TET3: variants seen among roughly 807,000 people sequenced by gnomAD.
TET3 encodes methylcytosine dioxygenase TET3.
A neutral mutation model predicts 141.4 loss-of-function variants in TET3; 19 were observed. The observed-to-expected ratio is 0.13, with a 90% CI of 0.09 to 0.20. TET3 has a LOEUF of 0.20. TET3 is among the 10% of genes least tolerant of loss of function. TET3 has a pLI of 1.00. For synonymous variants in TET3, 1,043 were observed against 980.9 expected (o/e 1.06, Z -1.18); for missense variants, 1,874 against 2,356.9 (o/e 0.80, Z 4.24).
Position 74,101,332 on chromosome 2 carries a change from C to A in TET3, c.4544C>A (p.Pro1515His). 1 of 1,613,814 alleles carries A rather than the reference C, an allele frequency of 6.2e-7. No individual in the cohort carries two copies. ...GGRLRGKPWS[P>H]CKFGNSTSAL... ...CGGCTGCGAGGCAAACCGTGGAGCC[C>A]CTGCAAGTTTGGGAACAGCACCTCG... The change falls in exon 12 of 12, where the codon CCC becomes CAC. Residue 1515 changes from proline to histidine, a missense_variant. Physicochemically the swap from Pro to His is moderately conservative, Grantham distance 77 (BLOSUM62 -2). Transcript: ENST00000409262. This position sits in a 1 kb window ranked among gnomAD's most constrained non-coding sequence, Gnocchi z 8.5.
chr2:74,080,693 CGAGGGCG>C, intron 6 of TET3, 102 bp downstream of exon 6: 1 of 538,478 alleles, frequency 1.9e-6, no homozygotes, highest in Non-Finnish European at 2.7e-6. Flanking sequence ...GCTGAGCAGG[CGAGGGCG>C]GGGGGTGGGG....
intron 3 of TET3, among the ~76,000 whole-genome samples, chr2:74,040,072 G>A (rs1360399305): frequency 2.0e-5 from 3 of 152,214 alleles, no homozygotes; most frequent in Non-Finnish European, 4.4e-5. Context: ...GGAACACACA[G>A]TATGTCACAC....
intron 6 of TET3, among the ~76,000 whole-genome samples, chr2:74,082,513 T>A (rs749031167): frequency 6.6e-6 from 1 of 151,736 alleles, no homozygotes; most frequent in Non-Finnish European, 1.5e-5. Context: ...TGATAGTGTT[T>A]GCAGAGGGTG....
At chr2:74,080,678 A>T in intron 6 of TET3, 87 bp downstream of exon 6, 16 of 547,754 alleles carry the variant, frequency 2.9e-5, no homozygotes, top group Non-Finnish European at 3.8e-5. Flanking sequence ...CCCTTGCTGC[A>T]TGTAGCTGAG....
At chr2:74,135,138 A>G in the TET3 span, 3 of 220,552 alleles carry the variant, frequency 1.4e-5, no homozygotes, top group African/African-American at 6.9e-5. Context: ...AGAGCATAAG[A>G]AATTGAGGGT....
At chr2:74,025,577 G>T (rs1686298493) in intron 3 of TET3, among the ~76,000 whole-genome samples, 1 of 152,130 alleles carries the variant, frequency 6.6e-6, no homozygotes, top group East Asian at 1.9e-4. Flanking sequence ...CTGAATGTAG[G>T]TTTTCTAAAA....
the TET3 span, among the ~76,000 whole-genome samples, chr2:74,117,052 C>G: frequency 0.016 from 2,433 of 152,104 alleles, 67 homozygotes; most frequent in African/African-American, 0.054. Flanking sequence ...GTGAAAGAAC[C>G]CAGTGGGAAC....
the TET3 span, chr2:74,121,115 T>A: frequency 6.6e-6 from 1 of 152,088 alleles, no homozygotes; most frequent in Non-Finnish European, 1.5e-5. Context: ...AAATGCCATA[T>A]GTTTTAAAAA....
Position 74,047,550 on chromosome 2 carries a change from G to T in TET3, c.1633G>T (p.Asp545Tyr), listed in dbSNP as rs773379637. ...CAGCCTCTTCCTAGAACAGGTGCAC[G>T]ACACCTCCTTCCCTGCTCCTTCAGA... is the stretch of plus-strand genomic sequence containing the variant. ...KRSLFLEQVH[D>Y]TSFPAPSEPS... The change falls in exon 4 of 12, where the codon GAC becomes TAC. Residue 545 changes from aspartate (D) to tyrosine (Y), a missense_variant. Physicochemically the swap from Asp to Tyr is radical, Grantham distance 160 (BLOSUM62 -3). Coordinates refer to ENST00000409262, the MANE Select transcript of TET3 (RefSeq NM_001287491.2). 1.2e-5 allele frequency: 20 copies of T among 1,613,750 alleles called. No homozygotes were observed. The highest frequency in any genetic ancestry group is 1.7e-5 in the Non-Finnish European group (20 of 1,179,878).
In TET3 at chr2:74,046,883, ACTC is replaced by A. The variant is rs1482168297; in HGVS notation, c.970_972del (p.Leu324del). ...GCCTCCCAGCACCAAGCACCAGGCC[ACTC>A]CTCAGCTCAGAGGTGCCCCAGATCT... On this transcript the variant is annotated inframe_deletion, in exon 4 of 12. Transcript: ENST00000409262. The surrounding 1 kb of genome is among the most constrained non-coding windows in gnomAD (Gnocchi z 4.3). 6 of 1,613,212 alleles carry A rather than the reference ACTC, an allele frequency of 3.7e-6. No homozygotes were observed. The Admixed American group carries it at 5.0e-5, about 13-fold the overall frequency.
chr2:74,097,539 G>A (rs1248627522), intron 10 of TET3, among the ~76,000 whole-genome samples: 2 of 152,278 alleles, frequency 1.3e-5, no homozygotes, highest in Middle Eastern at 3.4e-3. Context: ...CTAGAAACAG[G>A]AGGGCAGGTC....
chr2:74,047,913 C>G lies in TET3; in HGVS notation c.1996C>G (p.Leu666Val). Residue 666 changes from leucine to valine, a missense_variant, in exon 4 of 12, where the codon CTA becomes GTA. Around this residue, in one of 10 missense-constraint regions of TET3, gnomAD observed 484 missense variants for 462.2 expected, o/e 1.05. Transcript: ENST00000409262. The part of the protein sequence containing the change: ...VPLPPEPSLA[L>V]FAPSPSRDSL... ...CCTGCCCCCAGAACCTTCTCTTGCGCTATTTGCACCTAGTCCCTCCAGGGA... is the reference window on the plus strand; with the variant it reads ...CCTGCCCCCAGAACCTTCTCTTGCGGTATTTGCACCTAGTCCCTCCAGGGA... 6.2e-7 allele frequency: 1 copy of G among 1,613,648 alleles called. No homozygotes were observed. Among genetic ancestry groups the G allele is most frequent in the Non-Finnish European group, 8.5e-7 (1 of 1,179,792 alleles).
In TET3 at chr2:74,100,867, C is replaced by T. The variant is rs748371342; in HGVS notation, c.4079C>T (p.Ala1360Val). 6.8e-6 allele frequency: 11 copies of T among 1,610,800 alleles called. No individual in the cohort carries two copies. Among genetic ancestry groups the T allele is most frequent in the African/African-American group, 6.7e-5 (5 of 74,794 alleles). ...HHPTPHHQQPAYPGPKEYLLP... is the reference protein window; with the variant it reads ...HHPTPHHQQPVYPGPKEYLLP... ...CCCACTCCTCACCACCAGCAGCCTG[C>T]GTACCCAGGCCCCAAGGAGTATCTG... The change falls in exon 12 of 12, where the codon GCG becomes GTG. Residue 1360 changes from alanine to valine, a missense_variant. Coordinates refer to ENST00000409262, the MANE Select transcript of TET3 (RefSeq NM_001287491.2).
chr2:74,131,095 C>G, the TET3 span, among the ~76,000 whole-genome samples: 5 of 152,050 alleles, frequency 3.3e-5, no homozygotes, highest in Admixed American at 1.3e-4. Context: ...CTCCGCTCTC[C>G]CGTTCCCTCA....
chr2:74,046,773 C>T lies in TET3; in HGVS notation c.856C>T (p.Leu286=). The T allele has an allele frequency of 1.9e-6, 3 of 1,613,648 alleles. No individual in the cohort carries two copies. Among genetic ancestry groups the T allele is most frequent in the Non-Finnish European group, 2.5e-6 (3 of 1,179,862 alleles). ...AGAATGCCCTGACTACCTCGAGTGGCTGGAGGGGAAGATCAAGTCTGTGGT... is the reference window on the plus strand; with the variant it reads ...AGAATGCCCTGACTACCTCGAGTGGTTGGAGGGGAAGATCAAGTCTGTGGT... ...GPECPDYLEW[L]EGKIKSVVME... is the part of the protein sequence containing the mutation. The change falls in exon 4 of 12, where the codon CTG becomes TTG. Residue 286 remains leucine, a synonymous_variant. Coordinates refer to ENST00000409262, the MANE Select transcript of TET3 (RefSeq NM_001287491.2). The surrounding 1 kb of genome is among the most constrained non-coding windows in gnomAD (Gnocchi z 4.3).
intron 3 of TET3, among the ~76,000 whole-genome samples, chr2:74,022,692 T>C (rs1320546245): frequency 1.3e-5 from 2 of 152,226 alleles, no homozygotes; most frequent in African/African-American, 4.8e-5. Context: ...CCACTTTATC[T>C]TCTTCATCCA....
In TET3 at chr2:74,035,036, C is replaced by CAA. The variant is rs70965777; in HGVS notation, c.361-11227_361-11226dup. 6.7e-3 allele frequency among the ~76,000 whole-genome samples: 770 copies of CAA among 114,332 alleles called. 8 individuals are homozygous for CAA. Among genetic ancestry groups the CAA allele is most frequent in the African/African-American group, 0.022 (687 of 31,522 alleles). 75.0% of individuals were successfully genotyped at this position (114,332 alleles called of 152,430 possible). A position where few individuals can be genotyped will look rare whatever the true frequency, so the allele number is the denominator to read the frequency against. ...GAAACCCTGTCTCTACTAAAAAATA[C>CAA]AAAAAAAAAAAAAAAATCAGCCAGG... On this transcript the variant is annotated intron_variant, in intron 3 of 11. Coordinates refer to ENST00000409262, the MANE Select transcript of TET3 (RefSeq NM_001287491.2).
chr2:74,012,388 G>A (rs4270374), intron 3 of TET3, among the ~76,000 whole-genome samples: 45,862 of 152,180 alleles, frequency 0.3, 7,788 homozygotes, highest in African/African-American at 0.45. Context: ...ACTTTCCTCT[G>A]TGTAATAACT....
chr2:74,061,561 A>ACCTC (rs1294631000), intron 4 of TET3, among the ~76,000 whole-genome samples: 1 of 97,842 alleles, frequency 1.0e-5, no homozygotes, highest in Non-Finnish European at 2.1e-5. Context: ...GGCGCCCCTC[A>ACCTC]CCTCCCGGAC....
Sources: gnomAD v4.1 joint callset for allele counts (sites outside exome capture counted in the v4.1 genomes callset) on GRCh38, gnomAD v4.1.1 for gene constraint, gnomAD v4.1.1 regional missense constraint, Gnocchi (gnomAD v3.1) non-coding constraint, MANE v1.5 for transcripts, NCBI Gene and HGNC (gene_info 2026-07-23, HGNC 2026-07-21) for gene names.